Variants in DARS1 observed in about 807,000 individuals in gnomAD.
DARS1 encodes the protein aspartyl-tRNA synthetase 1, also known as aspartate--tRNA ligase, cytoplasmic.
In DARS1, 51 loss-of-function variants were observed where a neutral mutation model predicts 68.8. The ratio of observed to expected loss-of-function variants is 0.74; its 90% CI spans 0.59 to 0.94. The LOEUF is 0.94. Ranked by LOEUF, DARS1 falls within the 40% of genes least tolerant of loss-of-function variation. The probability of loss-of-function intolerance (pLI) is 0.00; values close to 1 mark genes in which losing one functional copy is unlikely to be tolerated. For synonymous variants in DARS1, 203 were observed against 190.4 expected, an observed-to-expected ratio of 1.07 and a Z score of -0.55; for missense variants, 607 against 597.3, an observed-to-expected ratio of 1.02 and a Z score of -0.17.
intron 12 of DARS1, among the ~76,000 whole-genome samples, chr2:135,914,200 C>T (rs984898915): frequency 6.6e-6 from 1 of 152,058 alleles, no homozygotes; most frequent in Non-Finnish European, 1.5e-5. Flanking sequence ...CCAACTAATC[C>T]GACATAGGTA....
intron 3 of DARS1, among the ~76,000 whole-genome samples, chr2:135,973,277 T>C (rs552983574): frequency 1.3e-5 from 2 of 152,228 alleles, no homozygotes; most frequent in South Asian, 2.1e-4. Flanking sequence ...TGCAACAACA[T>C]AGATGGAACT....
chr2:135,983,445 T>C lies in DARS1; in HGVS notation c.76A>G (p.Lys26Glu), dbSNP rs1371187484. ...ATTGAAGATATTCCATATCTCTCTT[T>C]AGCATAATCCTACAAAAAAAGTTTT... ...EIMDAAEDYA[K>E]ERYGISSMIQ... Residue 26 changes from lysine (K) to glutamate (E), a missense_variant, in exon 2 of 16, where the codon AAA becomes GAA. Physicochemically the swap from Lys to Glu is moderately conservative, Grantham distance 56. Transcript: ENST00000264161. 2.5e-6 allele frequency: 3 copies of C among 1,186,280 alleles called. No homozygotes were observed. Among genetic ancestry groups the C allele is most frequent in the Non-Finnish European group, 2.5e-6 (2 of 799,508 alleles). The allele number at this position is 1,186,280 out of a possible 1,614,324, so 73.5% of individuals were successfully genotyped here. A position where few individuals can be genotyped will look rare whatever the true frequency, so the allele number is the denominator to read the frequency against.
intron 3 of DARS1, among the ~76,000 whole-genome samples, chr2:135,972,679 GACGAGGAATTACTA>G (rs1682400051): frequency 6.6e-6 from 1 of 152,172 alleles, no homozygotes; most frequent in South Asian, 2.1e-4. Flanking sequence ...CTACCCATCT[GACGAGGAATTACTA>G]ACCAGAATAC....
intron 3 of DARS1, among the ~76,000 whole-genome samples, chr2:135,971,340 GA>G (rs1193400412): frequency 6.6e-6 from 1 of 152,032 alleles, no homozygotes; most frequent in Non-Finnish European, 1.5e-5. Flanking sequence ...GGACAAAAGC[GA>G]TATGATCATT....
intron 3 of DARS1, among the ~76,000 whole-genome samples, chr2:135,963,684 C>CTT (rs34142242): frequency 3.5e-5 from 4 of 113,506 alleles, no homozygotes; most frequent in Admixed American, 1.8e-4. Context: ...TTAATGACTT[C>CTT]TTTTTTTTTT....
At chr2:135,907,439 T>G in intron 15 of DARS1, 32 bp from the exon 16 acceptor site, 1 of 1,482,544 alleles carries the variant, frequency 6.7e-7, no homozygotes, top group Non-Finnish European at 9.4e-7. Flanking sequence ...ATTAATTCCT[T>G]TTTGAAAATC....
chr2:135,907,637 TC>T (rs1680816194), intron 15 of DARS1, among the ~76,000 whole-genome samples: 2 of 151,864 alleles, frequency 1.3e-5, no homozygotes. Flanking sequence ...TGGTATGGAG[TC>T]TAAAATGTGA....
chr2:135,922,794 A>AGCT lies in DARS1; in HGVS notation c.800_801insAGC (p.Ser267_Ile268insAla). On this transcript the variant is annotated inframe_insertion, in exon 9 of 16. Transcript: ENST00000264161. ...CTGCCAAAATCTTACCTGGTCCAATAGAGAAAACCTTCTCAAAATCAGCAC... is the reference window on the plus strand; with the variant it reads ...CTGCCAAAATCTTACCTGGTCCAATAGCTGAGAAAACCTTCTCAAAATCAGCAC... 1 of 1,565,660 alleles carries AGCT rather than the reference A, an allele frequency of 6.4e-7. No homozygotes were observed. The highest frequency in any genetic ancestry group is 8.6e-7 in the Non-Finnish European group (1 of 1,160,582).
rs777209387 is a variant in DARS1 at position 135,916,276 on chromosome 2, C to G, written c.1056G>C (p.Leu352Phe). The G allele has an allele frequency of 2.5e-6, 4 of 1,570,916 alleles. No individual in the cohort carries two copies. The African/African-American group carries it at 4.0e-5, about 16-fold the overall frequency. Residue 352 changes from leucine (L) to phenylalanine (F), a missense_variant, in exon 11 of 16, where the codon TTG (leucine) becomes TTC (phenylalanine). Coordinates refer to ENST00000264161, the MANE Select transcript of DARS1 (RefSeq NM_001349.4). ...CGACTCCAGCTTCCCTAAGCATAGC[C>G]AATGCTTCACAATATTCTAGTCTTA... ...PTLRLEYCEA[L>F]AMLREAGVEM...
intron 3 of DARS1, among the ~76,000 whole-genome samples, chr2:135,977,024 G>A (rs1682516832): frequency 6.6e-6 from 1 of 152,044 alleles, no homozygotes; most frequent in Non-Finnish European, 1.5e-5. Flanking sequence ...TATGTGTTGT[G>A]TACCAAACAA....
rs116190965 is a variant in DARS1, at chr2:135,926,741, C to T, written c.565-2243G>A. On this transcript the variant is annotated intron_variant, in intron 7 of 15. Coordinates refer to ENST00000264161, the MANE Select transcript of DARS1 (RefSeq NM_001349.4). ...CATTACTGCAAACAATCACATTGTGCGAGCGAATTCAGACTAGCTATCTCT... is the reference window on the plus strand; with the variant it reads ...CATTACTGCAAACAATCACATTGTGTGAGCGAATTCAGACTAGCTATCTCT... Among the ~76,000 whole-genome samples the T allele has an allele frequency of 5.6e-3, 853 of 152,260 alleles. 10 individuals carry two copies. Among genetic ancestry groups the T allele is most frequent in the African/African-American group, 0.019 (798 of 41,548 alleles).
chr2:135,936,082 A>G (rs1418307796), intron 5 of DARS1, among the ~76,000 whole-genome samples: 1 of 152,224 alleles, frequency 6.6e-6, no homozygotes, highest in Non-Finnish European at 1.5e-5. Flanking sequence ...TTACTAGACC[A>G]TGAGTACTCT....
intron 5 of DARS1, among the ~76,000 whole-genome samples, chr2:135,936,885 C>T (rs916251041): frequency 6.6e-6 from 1 of 152,146 alleles, no homozygotes; most frequent in African/African-American, 2.4e-5. Flanking sequence ...AATCTGTCTG[C>T]CTGTTGGTCT....
intron 10 of DARS1, 66 bp downstream of exon 10, chr2:135,920,387 A>ATT: frequency 6.3e-6 from 9 of 1,418,892 alleles, no homozygotes; most frequent in African/African-American, 5.9e-5. Flanking sequence ...AAATTGAAGA[A>ATT]TTTTTTTTTT....
chr2:135,934,442 T>C (rs1681422856), intron 5 of DARS1, among the ~76,000 whole-genome samples: 1 of 151,882 alleles, frequency 6.6e-6, no homozygotes, highest in African/African-American at 2.4e-5. Context: ...AGCAACATGG[T>C]GAAACCCCGT....
intron 4 of DARS1, among the ~76,000 whole-genome samples, chr2:135,955,717 C>T (rs529655356): frequency 2.7e-5 from 3 of 113,088 alleles, no homozygotes; most frequent in Admixed American, 1.2e-4. Context: ...GACAGGGTCT[C>T]GCTCTGTCAC....
In DARS1 at chr2:135,943,458, C is replaced by A. The variant is rs999339521; in HGVS notation, c.343G>T (p.Asp115Tyr). Residue 115 changes from aspartate to tyrosine, a missense_variant, in exon 5 of 16, where the codon GAT becomes TAT. Coordinates refer to ENST00000264161, the MANE Select transcript of DARS1 (RefSeq NM_001349.4). ...ACTTTTCTCACAACACCTTCTACAT[C>A]CACAATGCTCTCTTTGTTGATGCTG... ...AANINKESIV[D>Y]VEGVVRKVNQ... 1.6e-5 allele frequency: 26 copies of A among 1,613,518 alleles called. No individual in the cohort carries two copies. Among genetic ancestry groups the A allele is most frequent in the Non-Finnish European group, 2.2e-5 (26 of 1,179,768 alleles).
At chr2:135,984,221 G>A (rs1335058732) in intron 1 of DARS1, among the ~76,000 whole-genome samples, 2 of 152,068 alleles carry the variant, frequency 1.3e-5, no homozygotes, top group Admixed American at 6.5e-5. Flanking sequence ...CTATAAAATG[G>A]CATAACTCTG....
intron 3 of DARS1, among the ~76,000 whole-genome samples, chr2:135,968,861 C>T (rs1284495907): frequency 1.3e-5 from 2 of 151,912 alleles, no homozygotes; most frequent in Non-Finnish European, 2.9e-5. Flanking sequence ...GGGGTTTTAC[C>T]ATGTTGGCCA....
Sources: allele counts gnomAD v4.1 joint callset (sites outside exome capture counted in the v4.1 genomes callset), GRCh38; gene constraint gnomAD v4.1.1; transcripts MANE v1.5; gene names NCBI Gene and HGNC (gene_info 2026-07-23, HGNC 2026-07-21).